Variants in SNAI3 observed in about 807,000 individuals in gnomAD.
The protein encoded by SNAI3 is zinc finger protein SNAI3.
In SNAI3, 21 loss-of-function variants were observed where a neutral mutation model predicts 16.4. That is an observed-to-expected ratio of 1.28 (90% CI 0.91 to 1.85). The LOEUF (loss-of-function observed/expected upper bound fraction) is 1.85. Ranked by LOEUF, SNAI3 falls within the 40% of genes most tolerant of loss-of-function variation. The pLI, the probability that SNAI3 is intolerant of heterozygous loss-of-function variation, is 0.00. For missense variants in SNAI3, 457 were observed against 372.8 expected (o/e 1.23, Z -1.86); for synonymous variants, 202 against 166.6 (o/e 1.21, Z -1.64).
At chr16:88,686,302 C>T (rs760169017) in intron 1 of SNAI3, 29 bp downstream of exon 1, 10 of 1,607,428 alleles carry the variant, frequency 6.2e-6, no homozygotes, top group Non-Finnish European at 3.4e-6. Context: ...CGAGTCCCGG[C>T]AGGGGCTCGG....
chr16:88,682,762 A>ATTTTTTGTTTTTTTT (rs1909218388), intron 1 of SNAI3, among the ~76,000 whole-genome samples: 1 of 60,654 alleles, frequency 1.6e-5, no homozygotes, highest in Non-Finnish European at 3.0e-5. Flanking sequence ...TGGGCAAGGG[A>ATTTTTTGTTTTTTTT]TTTTTTTTTT....
At chr16:88,684,959 A>C (rs1909305547) in intron 1 of SNAI3, among the ~76,000 whole-genome samples, 1 of 152,194 alleles carries the variant, frequency 6.6e-6, no homozygotes, top group African/African-American at 2.4e-5. Flanking sequence ...TCAGAAAGCC[A>C]GGCAGCTGGG....
Position 88,682,617 on chromosome 16 carries a change from G to C in SNAI3, c.77-903C>G, listed in dbSNP as rs866678312. Among the ~76,000 whole-genome samples, 30 of 152,312 alleles carry C rather than the reference G, an allele frequency of 2.0e-4. 1 individual carries two copies. In the Middle Eastern group the frequency reaches 0.01, roughly 52 times the overall value. On this transcript the variant is annotated intron_variant, in intron 1 of 2. Coordinates refer to ENST00000332281, the MANE Select transcript of SNAI3 (RefSeq NM_178310.4). ...TACCTCCATGCTGAGGCTTTGGGTA[G>C]AGACAGACAACCCATAGAATAGGAG...
Position 88,681,634 on chromosome 16 carries a change from CG to C in SNAI3, c.156del (p.Gly53ValfsTer57). 1 of 1,469,950 alleles carries C rather than the reference CG, an allele frequency of 6.8e-7. No individual in the cohort carries two copies. The highest frequency in any genetic ancestry group is 9.0e-7 in the Non-Finnish European group (1 of 1,106,838). The allele number at this position is 1,469,950 out of a possible 1,614,324, so 91.1% of individuals were successfully genotyped here. A position where few individuals can be genotyped will look rare whatever the true frequency, so the allele number is the denominator to read the frequency against. ...CGGTCCCAGGGCTGGGGAAGGTCAC[CG>C]GGCACAGAAGGGGCCTCCTTGTCTC... ...LPRDKEAPSV[P>X]GDLPQPWDRS... is the part of the protein sequence containing the mutation. On this transcript the variant is annotated frameshift_variant, in exon 2 of 3. Transcript: ENST00000332281. LOFTEE classifies it high-confidence loss of function. The surrounding 1 kb of genome is among the most constrained non-coding windows in gnomAD (Gnocchi z 5.4).
chr16:88,681,361 G>T lies in SNAI3; in HGVS notation c.430C>A (p.Arg144=). The change falls in exon 2 of 3, where the codon CGG becomes AGG. Residue 144 remains arginine, a synonymous_variant. Coordinates refer to ENST00000332281, the MANE Select transcript of SNAI3 (RefSeq NM_178310.4). This position sits in a 1 kb window ranked among gnomAD's most constrained non-coding sequence, Gnocchi z 5.4. The part of the protein sequence containing the change: ...GAPEKLLGAE[R]MPRAPGGFEC... ...AAGCCGCCCGGGGCTCGGGGCATCCGCTCAGCCCCAAGCAGTTTTTCCGGA... is the reference window on the plus strand; with the variant it reads ...AAGCCGCCCGGGGCTCGGGGCATCCTCTCAGCCCCAAGCAGTTTTTCCGGA... 1 of 1,612,750 alleles carries T rather than the reference G, an allele frequency of 6.2e-7. No individual in the cohort carries two copies. The highest frequency in any genetic ancestry group is 8.5e-7 in the Non-Finnish European group (1 of 1,179,706).
chr16:88,679,360 A>G (rs973077246), intron 2 of SNAI3, among the ~76,000 whole-genome samples: 7 of 152,348 alleles, frequency 4.6e-5, no homozygotes, highest in African/African-American at 1.4e-4. Flanking sequence ...AGGATTTCCC[A>G]GAGACCTGGA....
chr16:88,682,861 A>C (rs1237918144), intron 1 of SNAI3, among the ~76,000 whole-genome samples: 3 of 128,842 alleles, frequency 2.3e-5, no homozygotes, highest in Admixed American at 9.9e-5. Flanking sequence ...TGTAACCTCC[A>C]CCTCCTGGGT....
At chr16:88,678,711 C>T (rs1356506322) in intron 2 of SNAI3, 82 bp from the exon 3 acceptor site, 16 of 1,494,920 alleles carry the variant, frequency 1.1e-5, no homozygotes, top group African/African-American at 1.4e-5. Context: ...TCAATGGATA[C>T]TCCCATCCCT....
In SNAI3 at chr16:88,678,606, G is replaced by T; in HGVS notation, c.721C>A (p.His241Asn). The change falls in exon 3 of 3, where the codon CAC becomes AAC. Residue 241 changes from histidine to asparagine, a missense_variant. Coordinates refer to ENST00000332281, the MANE Select transcript of SNAI3 (RefSeq NM_178310.4). ...CGGTCGGCAAAGGCCCTGCTGCAGTGCGAGCAGGCATAGGGCTTCTCCCCT... is the reference window on the plus strand; with the variant it reads ...CGGTCGGCAAAGGCCCTGCTGCAGTTCGAGCAGGCATAGGGCTTCTCCCCT... Reference protein sequence around the residue: ...HTGEKPYACSHCSRAFADRSN... With the variant: ...HTGEKPYACSNCSRAFADRSN... The T allele has an allele frequency of 1.7e-6, 2 of 1,145,558 alleles. No individual in the cohort carries two copies. Among genetic ancestry groups the T allele is most frequent in the Non-Finnish European group, 2.6e-6 (2 of 755,952 alleles). 71.0% of individuals were successfully genotyped at this position (1,145,558 alleles called of 1,614,324 possible). A position where few individuals can be genotyped will look rare whatever the true frequency, so the allele number is the denominator to read the frequency against.
At chr16:88,683,771 C>T (rs1311864429) in intron 1 of SNAI3, among the ~76,000 whole-genome samples, 3 of 151,714 alleles carry the variant, frequency 2.0e-5, no homozygotes, top group African/African-American at 4.8e-5. Flanking sequence ...TGGCCAGACT[C>T]GTCTCAAACT....
rs71395313 is a variant in SNAI3, at chr16:88,681,593, G to A, written c.198C>T (p.Ala66=). The A allele has an allele frequency of 8.6e-6, 13 of 1,503,340 alleles. No homozygotes were observed. The highest frequency in any genetic ancestry group is 8.9e-6 in the Non-Finnish European group (10 of 1,124,588). The allele number at this position is 1,503,340 out of a possible 1,614,324, so 93.1% of individuals were successfully genotyped here. A position where few individuals can be genotyped will look rare whatever the true frequency, so the allele number is the denominator to read the frequency against. Residue 66 remains alanine, a synonymous_variant, in exon 2 of 3, where the codon GCC becomes GCT. Transcript: ENST00000332281. The surrounding 1 kb of genome is among the most constrained non-coding windows in gnomAD (Gnocchi z 5.4). ...PQPWDRSSAV[A]CISLPLLPRI... ...GTGGCAGGAGGGGCAGGGAGATGCA[G>A]GCGACGGCCGAGGAGCGGTCCCAGG... is the stretch of plus-strand genomic sequence containing the variant.
chr16:88,678,009 A>C lies in SNAI3; in HGVS notation c.*439T>G. The C allele has an allele frequency of 6.3e-6, 1 of 159,542 alleles. No homozygotes were observed. Among genetic ancestry groups the C allele is most frequent in the Non-Finnish European group, 1.4e-5 (1 of 72,648 alleles). The allele number at this position is 159,542 out of a possible 1,614,324, so 9.9% of individuals were successfully genotyped here. A position where few individuals can be genotyped will look rare whatever the true frequency, so the allele number is the denominator to read the frequency against. On this transcript the variant is annotated 3_prime_UTR_variant, in exon 3 of 3. Coordinates refer to ENST00000332281, the MANE Select transcript of SNAI3 (RefSeq NM_178310.4). ...GAGAGGTAGTTGTGCCTACTGAGGA[A>C]GGGCCACAGGGCGGTGCTCACTATA...
intron 1 of SNAI3, among the ~76,000 whole-genome samples, chr16:88,683,084 C>CTTTTTTTTT (rs35518035): frequency 1.0e-5 from 1 of 98,896 alleles, no homozygotes; most frequent in Non-Finnish European, 2.0e-5. Context: ...GCCCCCCACC[C>CTTTTTTTTT]TTTTTTTTTT....
chr16:88,682,629 C>A (rs1159167183), intron 1 of SNAI3, among the ~76,000 whole-genome samples: 1 of 152,108 alleles, frequency 6.6e-6, no homozygotes, highest in African/African-American at 2.4e-5. Context: ...GACAGACAAC[C>A]CATAGAATAG....
In SNAI3 at chr16:88,678,486, C is replaced by T. The variant is rs61736223; in HGVS notation, c.841G>A (p.Ala281Thr). Residue 281 changes from alanine (A) to threonine (T), a missense_variant, in exon 3 of 3, where the codon GCG (alanine) becomes ACG (threonine). By Grantham distance (58) the Ala-to-Thr change is moderately conservative. Coordinates refer to ENST00000332281, the MANE Select transcript of SNAI3 (RefSeq NM_178310.4). Reference sequence around the variant, plus strand: ...CAGCAGCCAGACTCCTCATGCCGCGCCAGGAGGGACATGCGGGAGAAGGTC... The same window carrying T: ...CAGCAGCCAGACTCCTCATGCCGCGTCAGGAGGGACATGCGGGAGAAGGTC... ...TKTFSRMSLL[A>T]RHEESGCCPG... is the part of the protein sequence containing the mutation. The T allele has an allele frequency of 2.8e-4, 215 of 780,080 alleles. 1 individual carries two copies. In the African/African-American group the frequency reaches 3.1e-3, roughly 11 times the overall value. The allele number at this position is 780,080 out of a possible 1,614,324, so 48.3% of individuals were successfully genotyped here. A position where few individuals can be genotyped will look rare whatever the true frequency, so the allele number is the denominator to read the frequency against.
At chr16:88,685,880 C>T (rs888519949) in intron 1 of SNAI3, 38 of 163,096 alleles carry the variant, frequency 2.3e-4, no homozygotes, top group Admixed American at 1.2e-4. Context: ...GCTTACACCC[C>T]CAGTCAGCAT....
Position 88,686,194 on chromosome 16 carries a change from C to T in SNAI3, c.76+137G>A, listed in dbSNP as rs527468645. On this transcript the variant is annotated intron_variant, in intron 1 of 2. Coordinates refer to ENST00000332281, the MANE Select transcript of SNAI3 (RefSeq NM_178310.4). ...ACCTCCCTCCCTGCAGCCGCAGCCG[C>T]TGCGCAGAGGCGCTGGCTCCTTCTC... The T allele has an allele frequency of 9.6e-3, 11,113 of 1,162,150 alleles. 69 individuals are homozygous for T. Among genetic ancestry groups the T allele is most frequent in the Admixed American group, 0.013 (444 of 34,282 alleles). The allele number at this position is 1,162,150 out of a possible 1,614,324, so 72.0% of individuals were successfully genotyped here.
Position 88,681,526 on chromosome 16 carries a change from C to G in SNAI3, c.265G>C (p.Glu89Gln), listed in dbSNP as rs1245486511. ...ALGASGLDAL[E>Q]VSEVDPRASR... ...GCCCGAGGGTCGACCTCGCTGACTT[C>G]CAAGGCGTCCAGCCCAGAGGCCCCC... Residue 89 changes from glutamate to glutamine, a missense_variant, in exon 2 of 3, where the codon GAA becomes CAA. Transcript: ENST00000332281. This position sits in a 1 kb window ranked among gnomAD's most constrained non-coding sequence, Gnocchi z 5.4. 3 of 1,530,964 alleles carry G rather than the reference C, an allele frequency of 2.0e-6. No individual in the cohort carries two copies. The African/African-American group carries it at 4.1e-5, about 21-fold the overall frequency. 94.8% of individuals were successfully genotyped at this position (1,530,964 alleles called of 1,614,324 possible).
At chr16:88,686,251 C>G in intron 1 of SNAI3, 80 bp downstream of exon 1, 3 of 1,525,116 alleles carry the variant, frequency 2.0e-6, no homozygotes, top group Non-Finnish European at 2.7e-6. Context: ...TCCCCAGCCC[C>G]CGCTCCCAGG....
Sources: gnomAD v4.1 joint callset for allele counts (sites outside exome capture counted in the v4.1 genomes callset) on GRCh38, gnomAD v4.1.1 for gene constraint, Gnocchi (gnomAD v3.1) non-coding constraint, MANE v1.5 for transcripts, NCBI Gene and HGNC (gene_info 2026-07-23, HGNC 2026-07-21) for gene names.